IL23R: variants seen among roughly 807,000 people sequenced by gnomAD.
IL23R encodes interleukin 23 receptor.
A neutral mutation model predicts 56.9 loss-of-function variants in IL23R; 34 were observed. The observed-to-expected ratio is 0.60, with a 90% CI of 0.45 to 0.80. The LOEUF (loss-of-function observed/expected upper bound fraction) is 0.80. Ranked by LOEUF, IL23R falls within the 30% of genes least tolerant of loss-of-function variation. IL23R has a pLI of 0.00. For missense variants in IL23R, 635 were observed against 730.0 expected, an observed-to-expected ratio of 0.87 and a Z score of 1.50; for synonymous variants, 230 against 249.2, an observed-to-expected ratio of 0.92 and a Z score of 0.73.
At chr1:67,244,416 G>T (rs1652070576) in intron 9 of IL23R, among the ~76,000 whole-genome samples, 2 of 152,108 alleles carry the variant, frequency 1.3e-5, no homozygotes, top group Admixed American at 1.3e-4. Flanking sequence ...TATTATCTAG[G>T]TATTCTTCTA....
intron 1 of IL23R, among the ~76,000 whole-genome samples, chr1:67,160,135 GAGCCACCGCGCCC>G (rs1646805678): frequency 6.6e-6 from 1 of 152,094 alleles, no homozygotes; most frequent in African/African-American, 2.4e-5. Context: ...TTACAGGCAT[GAGCCACCGCGCCC>G]AGCCTGGTAC....
intron 1 of IL23R, among the ~76,000 whole-genome samples, chr1:67,139,611 T>C (rs1646616127): frequency 6.6e-6 from 1 of 152,250 alleles, no homozygotes; most frequent in Non-Finnish European, 1.5e-5. Context: ...AACATATTCA[T>C]TTGTATAGCA....
At chr1:67,186,678 G>A (rs1647360359) in intron 4 of IL23R, among the ~76,000 whole-genome samples, 1 of 152,194 alleles carries the variant, frequency 6.6e-6, no homozygotes, top group South Asian at 2.1e-4. Flanking sequence ...GAGTGCAATG[G>A]TGTGATCTCG....
chr1:67,166,088 T>C (rs536561017), upstream of IL23R, among the ~76,000 whole-genome samples: 10 of 152,328 alleles, frequency 6.6e-5, no homozygotes, highest in African/African-American at 2.4e-4. Flanking sequence ...ATTTTATTCA[T>C]CAATTATATT....
At chr1:67,264,951 GA>G (rs1039961948), downstream of IL23R, among the ~76,000 whole-genome samples, 6 of 152,168 alleles carry the variant, frequency 3.9e-5, no homozygotes, top group East Asian at 5.8e-4. Context: ...GGTTGGGGGG[GA>G]ACCCTAAACA....
At chr1:67,257,776 T>C (rs1653030918) in intron 10 of IL23R, among the ~76,000 whole-genome samples, 1 of 152,244 alleles carries the variant, frequency 6.6e-6, no homozygotes. Flanking sequence ...TGATCTCAGC[T>C]CACTGCAACC....
chr1:67,142,836 A>G (rs1196505139), intron 1 of IL23R, among the ~76,000 whole-genome samples: 7 of 152,176 alleles, frequency 4.6e-5, no homozygotes, highest in Non-Finnish European at 1.0e-4. Context: ...CCAAAGCGCT[A>G]GGATTATAGG....
rs772488535 is a variant in IL23R at position 67,200,780 on chromosome 1, A to G, written c.535A>G (p.Ile179Val). Residue 179 changes from isoleucine to valine, a missense_variant, in exon 5 of 11, where the codon ATT becomes GTT. Transcript: ENST00000347310. ...GCAACAGTATCTCACCTCAAGCTAT[A>G]TTAACATCTCCACTGATTCATTACA... Reference protein sequence around the residue: ...EEQQYLTSSYINISTDSLQGG... With the variant: ...EEQQYLTSSYVNISTDSLQGG... 6.2e-7 allele frequency: 1 copy of G among 1,614,054 alleles called. No individual in the cohort carries two copies. Among genetic ancestry groups the G allele is most frequent in the Non-Finnish European group, 8.5e-7 (1 of 1,179,996 alleles).
At chr1:67,264,838 A>G (rs983869852), downstream of IL23R, among the ~76,000 whole-genome samples, 7 of 152,228 alleles carry the variant, frequency 4.6e-5, no homozygotes, top group African/African-American at 1.7e-4. Flanking sequence ...GTTATTATCT[A>G]ATTCTCATAA....
intron 6 of IL23R, among the ~76,000 whole-genome samples, chr1:67,207,410 T>C (rs1570849840): frequency 6.6e-6 from 1 of 152,244 alleles, no homozygotes; most frequent in South Asian, 2.1e-4. Context: ...CATCTTTATG[T>C]CCATGAGTAC....
At chr1:67,180,385 G>A (rs2102580995) in intron 3 of IL23R, among the ~76,000 whole-genome samples, 1 of 151,818 alleles carries the variant, frequency 6.6e-6, no homozygotes, top group South Asian at 2.1e-4. Context: ...GGCCTTTTTT[G>A]TCTCTTTTGA....
At chr1:67,221,995 C>T (rs1265182231) in intron 7 of IL23R, among the ~76,000 whole-genome samples, 2 of 150,926 alleles carry the variant, frequency 1.3e-5, no homozygotes, top group Admixed American at 6.6e-5. Flanking sequence ...TATAGTGAGA[C>T]TCTGCTTCTA....
At chr1:67,215,016 C>G (rs929567640) in intron 6 of IL23R, among the ~76,000 whole-genome samples, 1 of 152,204 alleles carries the variant, frequency 6.6e-6, no homozygotes, top group Non-Finnish European at 1.5e-5. Context: ...TGCATGCAGC[C>G]TCTGTCACGT....
intron 4 of IL23R, among the ~76,000 whole-genome samples, chr1:67,193,736 A>G (rs921953176): frequency 1.9e-4 from 29 of 152,362 alleles, no homozygotes; most frequent in African/African-American, 6.7e-4. Context: ...CACTCCTGAC[A>G]CGAAATGTGG....
intron 9 of IL23R, among the ~76,000 whole-genome samples, chr1:67,253,559 G>C (rs1180495945): frequency 6.6e-6 from 1 of 152,090 alleles, no homozygotes; most frequent in African/African-American, 2.4e-5. Context: ...CTATTATAAA[G>C]TCTACTAATG....
chr1:67,205,873 A>ATCTTTCTTTCTTTCTT lies in IL23R; in HGVS notation c.653-999_653-984dup, dbSNP rs200498214. ...GATAAAAGATCTGAATTGAACATCC[A>ATCTTTCTTTCTTTCTT]TCTTTCTTTCTTTCTTTCTTTCTTT... On this transcript the variant is annotated intron_variant, in intron 5 of 10. Transcript: ENST00000347310. 3.3e-3 allele frequency among the ~76,000 whole-genome samples: 453 copies of ATCTTTCTTTCTTTCTT among 139,188 alleles called. 2 individuals are homozygous for ATCTTTCTTTCTTTCTT. The highest frequency in any genetic ancestry group is 7.4e-3 in the African/African-American group (279 of 37,850). 91.3% of individuals were successfully genotyped at this position (139,188 alleles called of 152,430 possible).
intron 7 of IL23R, among the ~76,000 whole-genome samples, chr1:67,227,951 T>TCC (rs1650743589): frequency 2.3e-4 from 2 of 8,512 alleles, no homozygotes; most frequent in South Asian, 0.034. Flanking sequence ...TCTTTCTTTC[T>TCC]TTCTTTCTTT....
intron 4 of IL23R, among the ~76,000 whole-genome samples, chr1:67,198,501 A>C (rs982948702): frequency 1.2e-4 from 18 of 152,294 alleles, no homozygotes; most frequent in African/African-American, 4.3e-4. Context: ...TACTTAGATA[A>C]ATATGCTTTG....
intron 9 of IL23R, among the ~76,000 whole-genome samples, chr1:67,243,399 T>G (rs1651983191): frequency 6.6e-6 from 1 of 152,172 alleles, no homozygotes; most frequent in Non-Finnish European, 1.5e-5. Context: ...CATGGTGGTT[T>G]GCTGCACCCA....
Sources: allele counts gnomAD v4.1 joint callset (sites outside exome capture counted in the v4.1 genomes callset), GRCh38; gene constraint gnomAD v4.1.1; transcripts MANE v1.5; gene names NCBI Gene and HGNC (gene_info 2026-07-23, HGNC 2026-07-21).